The following CSPG5 variants were observed in gnomAD, a reference collection of about 807,000 sequenced individuals.
CSPG5 encodes the protein chondroitin sulfate proteoglycan 5.
Under a neutral mutation model 39.8 loss-of-function variants are expected in CSPG5, and 25 were observed. The observed-to-expected ratio is 0.63, with a 90% CI of 0.46 to 0.88. The LOEUF (loss-of-function observed/expected upper bound fraction) is 0.88, where lower values mean the gene tolerates loss of function less well. Among genes scored for constraint, CSPG5 ranks in the 40% least tolerant of loss-of-function variants. The probability of loss-of-function intolerance (pLI) is 0.00; values close to 1 mark genes in which losing one functional copy is unlikely to be tolerated. For synonymous variants in CSPG5, 295 were observed against 303.9 expected (o/e 0.97, Z 0.31); for missense variants, 627 against 702.2 (o/e 0.89, Z 1.21).
In CSPG5 at chr3:47,577,608, G is replaced by A. The variant is rs908385629; in HGVS notation, c.418C>T (p.Pro140Ser). 89 of 1,611,106 alleles carry A rather than the reference G, an allele frequency of 5.5e-5. No individual in the cohort carries two copies. The highest frequency in any genetic ancestry group is 7.1e-5 in the Non-Finnish European group (84 of 1,179,654). ...TCTGTAGCCTCAGGAATGGCAGGGG[G>A]CATGATTGACTGCCCGAGGACCTCG... ...PHEVLGQSIMPPAIPEATEAS... is the reference protein window; with the variant it reads ...PHEVLGQSIMSPAIPEATEAS... The change falls in exon 2 of 5, where the codon CCC (proline) becomes TCC (serine). Residue 140 changes from proline to serine, a missense_variant. Coordinates refer to ENST00000264723, the MANE Select transcript of CSPG5 (RefSeq NM_006574.4). The surrounding 1 kb of genome is among the most constrained non-coding windows in gnomAD (Gnocchi z 4.7).
chr3:47,564,114 G>A (rs2031199081), intron 4 of CSPG5, among the ~76,000 whole-genome samples: 1 of 152,184 alleles, frequency 6.6e-6, no homozygotes, highest in Non-Finnish European at 1.5e-5. Context: ...ATGACAAGAA[G>A]GTAGAGAGTG....
intron 2 of CSPG5, among the ~76,000 whole-genome samples, chr3:47,573,382 C>T (rs1312595686): frequency 6.6e-6 from 1 of 152,170 alleles, no homozygotes; most frequent in East Asian, 1.9e-4. Flanking sequence ...TGAGAAGACA[C>T]CTAAAAATAA....
Position 47,578,630 on chromosome 3 carries a change from C to G in CSPG5, c.64G>C (p.Ala22Pro). The change falls in exon 1 of 5, where the codon GCC (alanine) becomes CCC (proline). Residue 22 changes from alanine (A) to proline (P), a missense_variant. By Grantham distance (27) the Ala-to-Pro change is conservative (BLOSUM62 -1). Coordinates refer to ENST00000264723, the MANE Select transcript of CSPG5 (RefSeq NM_006574.4). This position sits in a 1 kb window ranked among gnomAD's most constrained non-coding sequence, Gnocchi z 6.0. ...GCCCCAGAGGCCAGGACCAGCGCGG[C>G]CCCCAGAAACAGCAGCAGTGGCGGC... ...GPPPLLLFLGAALVLASGAVP... is the reference protein window; with the variant it reads ...GPPPLLLFLGPALVLASGAVP... 8.6e-7 allele frequency: 1 copy of G among 1,166,488 alleles called. No homozygotes were observed. The highest frequency in any genetic ancestry group is 1.1e-6 in the Non-Finnish European group (1 of 943,336). The allele number at this position is 1,166,488 out of a possible 1,614,324, so 72.3% of individuals were successfully genotyped here.
intron 3 of CSPG5, among the ~76,000 whole-genome samples, chr3:47,570,180 A>G (rs1274050278): frequency 2.0e-5 from 3 of 152,050 alleles, no homozygotes; most frequent in Non-Finnish European, 4.4e-5. Flanking sequence ...GGCTGCACCT[A>G]TCAACCCGTC....
chr3:47,573,320 T>C (rs1394977124), intron 2 of CSPG5, among the ~76,000 whole-genome samples: 1 of 152,250 alleles, frequency 6.6e-6, no homozygotes, highest in African/African-American at 2.4e-5. Context: ...GGACCTGCCC[T>C]GCACATGCAA....
intron 3 of CSPG5, among the ~76,000 whole-genome samples, chr3:47,571,790 C>T (rs2031539054): frequency 6.6e-6 from 1 of 152,030 alleles, no homozygotes; most frequent in African/African-American, 2.4e-5. Context: ...GAAGTGGGGG[C>T]AGTTCTGCAT....
Position 47,572,030 on chromosome 3 carries a change from A to G in CSPG5, c.1382+656T>C, listed in dbSNP as rs2031547574. 1.3e-5 allele frequency among the ~76,000 whole-genome samples: 2 copies of G among 152,220 alleles called. 1 individual carries two copies. The highest frequency in any genetic ancestry group is 4.8e-5 in the African/African-American group (2 of 41,468). ...AAGAGAAGAGCTGAAATAAGATTCT[A>G]CATCCCGTATGGCCCTTAAAATCCA... On this transcript the variant is annotated intron_variant, in intron 3 of 4. Transcript: ENST00000264723. This position sits in a 1 kb window ranked among gnomAD's most constrained non-coding sequence, Gnocchi z 4.5.
Position 47,577,742 on chromosome 3 carries a change from AC to A in CSPG5, c.283del (p.Val95Ter), listed in dbSNP as rs1262499207. On this transcript the variant is annotated frameshift_variant, in exon 2 of 5. Transcript: ENST00000264723. LOFTEE classifies it high-confidence loss of function. This position sits in a 1 kb window ranked among gnomAD's most constrained non-coding sequence, Gnocchi z 4.7. ...AGCTTCCAGCCAGGCGGTGCCGGTC[AC>A]CGCAGCCGACTCCTGCAGCACCTCT... The part of the protein sequence containing the change: ...PEEVLQESAA[V>X]TGTAWLEADS... 6.3e-7 allele frequency: 1 copy of A among 1,580,550 alleles called. No homozygotes were observed. The highest frequency in any genetic ancestry group is 2.2e-5 in the East Asian group (1 of 44,596).
chr3:47,576,093 C>T (rs968469997), intron 2 of CSPG5, among the ~76,000 whole-genome samples: 1 of 152,030 alleles, frequency 6.6e-6, no homozygotes, highest in African/African-American at 2.4e-5. Flanking sequence ...TGCCACCACA[C>T]CCGGCTAAAT....
At chr3:47,563,504 C>A (rs546112305) in intron 4 of CSPG5, among the ~76,000 whole-genome samples, 25 of 152,136 alleles carry the variant, frequency 1.6e-4, no homozygotes, top group Non-Finnish European at 3.2e-4. Flanking sequence ...CTGACAAACT[C>A]CTGAACCTGA....
In CSPG5 at chr3:47,577,738, G is replaced by A. The variant is rs755673769; in HGVS notation, c.288C>T (p.Thr96=). Residue 96 remains threonine, a synonymous_variant, in exon 2 of 5, where the codon ACC becomes ACT. Transcript: ENST00000264723. The surrounding 1 kb of genome is among the most constrained non-coding windows in gnomAD (Gnocchi z 4.7). Reference sequence around the variant, plus strand: ...TGTCAGCTTCCAGCCAGGCGGTGCCGGTCACCGCAGCCGACTCCTGCAGCA... The same window carrying A: ...TGTCAGCTTCCAGCCAGGCGGTGCCAGTCACCGCAGCCGACTCCTGCAGCA... ...EEVLQESAAV[T]GTAWLEADSP... is the part of the protein sequence containing the mutation. 2 of 1,580,488 alleles carry A rather than the reference G, an allele frequency of 1.3e-6. No individual in the cohort carries two copies. Among genetic ancestry groups the A allele is most frequent in the African/African-American group, 1.3e-5 (1 of 74,406 alleles).
Position 47,562,779 on chromosome 3 carries a change from T to C in CSPG5, c.1459-18A>G. The stretch of plus-strand genomic sequence containing the variant: ...GGATCATCCTGGAAGAGGGAAAAAG[T>C]TGGGGGGGGGGAGACAATGCATACA... On this transcript the variant is annotated intron_variant, in intron 4 of 4. Transcript: ENST00000264723. 3 of 1,433,634 alleles carry C rather than the reference T, an allele frequency of 2.1e-6. No homozygotes were observed. Among genetic ancestry groups the C allele is most frequent in the South Asian group, 1.2e-5 (1 of 85,718 alleles). The allele number at this position is 1,433,634 out of a possible 1,614,324, so 88.8% of individuals were successfully genotyped here. A position where few individuals can be genotyped will look rare whatever the true frequency, so the allele number is the denominator to read the frequency against.
In CSPG5 at chr3:47,578,763, GC is replaced by G. The variant is rs2031885339; in HGVS notation, c.-71del. 3.6e-6 allele frequency: 1 copy of G among 275,830 alleles called. No homozygotes were observed. Among genetic ancestry groups the G allele is most frequent in the African/African-American group, 2.3e-5 (1 of 43,298 alleles). 17.1% of individuals were successfully genotyped at this position (275,830 alleles called of 1,614,324 possible). A position where few individuals can be genotyped will look rare whatever the true frequency, so the allele number is the denominator to read the frequency against. ...CGCCCTCGGCTCGCCCGGCCGCCGC[GC>G]CTCCCGCCGGTTCTGCGGCCGCCTC... On this transcript the variant is annotated 5_prime_UTR_variant, in exon 1 of 5. Coordinates refer to ENST00000264723, the MANE Select transcript of CSPG5 (RefSeq NM_006574.4). The surrounding 1 kb of genome is among the most constrained non-coding windows in gnomAD (Gnocchi z 6.0).
chr3:47,569,173 A>G lies in CSPG5; in HGVS notation c.1437T>C (p.Ile479=). The G allele has an allele frequency of 3.1e-6, 5 of 1,612,488 alleles. No individual in the cohort carries two copies. Among genetic ancestry groups the G allele is most frequent in the Non-Finnish European group, 4.2e-6 (5 of 1,179,272 alleles). The change falls in exon 4 of 5, where the codon ATT becomes ATC. Residue 479 remains isoleucine (I), a synonymous_variant. Coordinates refer to ENST00000264723, the MANE Select transcript of CSPG5 (RefSeq NM_006574.4). ...LHNDNFSLST[I]AEGSHPNDDP... is the part of the protein sequence containing the mutation. ...TTACATTTGGGTGAGAGCCCTCGGC[A>G]ATGGTGGAGAGGGAGAAGTTATCAT...
intron 4 of CSPG5, among the ~76,000 whole-genome samples, chr3:47,566,047 G>C (rs970840951): frequency 6.6e-6 from 1 of 152,110 alleles, no homozygotes; most frequent in Admixed American, 6.5e-5. Context: ...AGGTGCCACC[G>C]GCACAGATAC....
chr3:47,563,439 T>C (rs568554745), intron 4 of CSPG5, among the ~76,000 whole-genome samples: 1 of 152,358 alleles, frequency 6.6e-6, no homozygotes, highest in African/African-American at 2.4e-5. Flanking sequence ...TTCGTACTGC[T>C]GATTCTAATG....
Position 47,577,494 on chromosome 3 carries a change from T to G in CSPG5, c.532A>C (p.Asn178His), listed in dbSNP as rs1358219864. The change falls in exon 2 of 5, where the codon AAC (asparagine) becomes CAC (histidine). Residue 178 changes from asparagine (N) to histidine (H), a missense_variant. Asn to His is a moderately conservative substitution (Grantham distance 68, BLOSUM62 1). Coordinates refer to ENST00000264723, the MANE Select transcript of CSPG5 (RefSeq NM_006574.4). The surrounding 1 kb of genome is among the most constrained non-coding windows in gnomAD (Gnocchi z 4.7). ...GGGTCGGGTGTGCTGCCCCCCAGGT[T>G]CAGCCAAACCTCCAAGGGGCTCTCC... ...PKESPLEVWL[N>H]LGGSTPDPQG... The G allele has an allele frequency of 2.5e-5, 41 of 1,613,440 alleles. No individual in the cohort carries two copies. Among genetic ancestry groups the G allele is most frequent in the Non-Finnish European group, 3.4e-5 (40 of 1,179,880 alleles).
At chr3:47,569,273 A>G in intron 3 of CSPG5, 46 bp from the exon 4 acceptor site, 3 of 1,579,498 alleles carry the variant, frequency 1.9e-6, no homozygotes, top group Non-Finnish European at 1.7e-6. Flanking sequence ...TGAAATAATC[A>G]CGGCAAAACA....
At chr3:47,574,888 G>A (rs557956640) in intron 2 of CSPG5, among the ~76,000 whole-genome samples, 3 of 152,210 alleles carry the variant, frequency 2.0e-5, no homozygotes, top group South Asian at 2.1e-4. Context: ...ATAGTGAGTC[G>A]AGATTGCACC....
Sources: gnomAD v4.1 joint callset for allele counts (sites outside exome capture counted in the v4.1 genomes callset) on GRCh38, gnomAD v4.1.1 for gene constraint, Gnocchi (gnomAD v3.1) non-coding constraint, MANE v1.5 for transcripts, NCBI Gene and HGNC (gene_info 2026-07-23, HGNC 2026-07-21) for gene names.